CYTH1: variants seen among roughly 807,000 people sequenced by gnomAD.
CYTH1 encodes cytohesin 1, also known as cytohesin-1.
CYTH1 carries 18 observed loss-of-function variants against 61.8 expected under a neutral mutation model. The ratio of observed to expected loss-of-function variants is 0.29; its 90% CI spans 0.20 to 0.43. The LOEUF (loss-of-function observed/expected upper bound fraction) is 0.43. Among genes scored for constraint, CYTH1 ranks in the 20% least tolerant of loss-of-function variants. CYTH1 has a pLI of 1.00. For synonymous variants in CYTH1, 174 were observed against 184.3 expected (o/e 0.94, Z 0.45); for missense variants, 336 against 510.5 (o/e 0.66, Z 3.29).
intron 7 of CYTH1, among the ~76,000 whole-genome samples, chr17:78,699,875 A>G (rs1178017865): frequency 6.6e-6 from 1 of 152,222 alleles, no homozygotes; most frequent in East Asian, 1.9e-4. Context: ...GTGTAGTCGT[A>G]AACTCTTGGG....
intron 1 of CYTH1, among the ~76,000 whole-genome samples, chr17:78,729,092 T>C (rs1452025272): frequency 6.6e-6 from 1 of 152,272 alleles, no homozygotes; most frequent in African/African-American, 2.4e-5. Flanking sequence ...AAAGGGTTAA[T>C]ATCTTTTTTT....
chr17:78,773,981 T>G (rs528810026), intron 1 of CYTH1, among the ~76,000 whole-genome samples: 2 of 152,332 alleles, frequency 1.3e-5, no homozygotes, highest in East Asian at 3.9e-4. Context: ...ATAAAAATTT[T>G]TTTCAATCCA....
chr17:78,779,087 GGAT>G (rs1485392306), intron 1 of CYTH1, among the ~76,000 whole-genome samples: 2 of 152,100 alleles, frequency 1.3e-5, no homozygotes, highest in African/African-American at 4.8e-5. Flanking sequence ...CAAAATAAAA[GGAT>G]GATATTTAAA....
intron 1 of CYTH1, among the ~76,000 whole-genome samples, chr17:78,722,919 C>T (rs562619037): frequency 1.3e-5 from 2 of 152,188 alleles, no homozygotes; most frequent in South Asian, 4.1e-4. Context: ...TGTTTTCTGC[C>T]CCCCTATTTC....
At chr17:78,701,042 A>G (rs2093003792) in intron 6 of CYTH1, among the ~76,000 whole-genome samples, 1 of 152,232 alleles carries the variant, frequency 6.6e-6, no homozygotes, top group Non-Finnish European at 1.5e-5. Flanking sequence ...AGACTGAAAC[A>G]TAGATAATGC....
intron 1 of CYTH1, among the ~76,000 whole-genome samples, chr17:78,730,751 G>A (rs572592571): frequency 1.3e-5 from 2 of 151,638 alleles, no homozygotes; most frequent in African/African-American, 2.4e-5. Context: ...TGCAAGCTCC[G>A]CCTCCTGGGT....
intron 1 of CYTH1, chr17:78,736,735 CGG>C: frequency 2.4e-6 from 1 of 416,540 alleles, no homozygotes; most frequent in Non-Finnish European, 5.0e-6. Context: ...TTCCTTACAG[CGG>C]GACACGAAAA....
intron 1 of CYTH1, among the ~76,000 whole-genome samples, chr17:78,714,295 A>C (rs967804041): frequency 1.1e-4 from 16 of 152,148 alleles, no homozygotes; most frequent in Admixed American, 3.9e-4. Context: ...ATCTCAAAAA[A>C]ATTTAAAAAT....
intron 11 of CYTH1, among the ~76,000 whole-genome samples, chr17:78,685,159 G>A (rs1240119807): frequency 6.2e-5 from 9 of 144,012 alleles, no homozygotes; most frequent in African/African-American, 2.3e-4. Context: ...CTGCAAGATC[G>A]TGCCACTGGA....
chr17:78,741,219 C>G (rs2093340687), intron 1 of CYTH1, among the ~76,000 whole-genome samples: 2 of 152,090 alleles, frequency 1.3e-5, no homozygotes, highest in South Asian at 4.1e-4. Context: ...TGGGAATACA[C>G]AAGCATGTAA....
chr17:78,737,082 T>C (rs1359234732), intron 1 of CYTH1: 1 of 152,404 alleles, frequency 6.6e-6, no homozygotes, highest in Non-Finnish European at 1.5e-5. Flanking sequence ...TTTCTCAAAC[T>C]CAACCAAAGT....
chr17:78,680,757 T>C (rs1348222781), intron 12 of CYTH1, among the ~76,000 whole-genome samples: 1 of 152,202 alleles, frequency 6.6e-6, no homozygotes, highest in Non-Finnish European at 1.5e-5. Flanking sequence ...CTACACCCCA[T>C]GTGACATTCA....
chr17:78,690,671 C>A (rs1034594885), intron 11 of CYTH1, among the ~76,000 whole-genome samples: 3 of 152,048 alleles, frequency 2.0e-5, no homozygotes, highest in Admixed American at 6.6e-5. Flanking sequence ...TACACTCCAG[C>A]CTGGGAGACA....
intron 4 of CYTH1, 95 bp from the exon 5 acceptor site, chr17:78,702,335 T>A: frequency 8.9e-7 from 1 of 1,119,328 alleles, no homozygotes; most frequent in Non-Finnish European, 1.3e-6. Flanking sequence ...GTGGGTGCAC[T>A]GGAATATTTA....
At chr17:78,729,879 A>G (rs2093283948) in intron 1 of CYTH1, among the ~76,000 whole-genome samples, 1 of 152,164 alleles carries the variant, frequency 6.6e-6, no homozygotes, top group African/African-American at 2.4e-5. Context: ...ATCACCTTTC[A>G]AAGCAAGGAC....
intron 7 of CYTH1, among the ~76,000 whole-genome samples, chr17:78,699,861 C>T (rs1352904736): frequency 1.2e-4 from 19 of 152,172 alleles, no homozygotes; most frequent in Admixed American, 1.2e-3. Flanking sequence ...TCATAGCTCA[C>T]TGCGTGTAGT....
At chr17:78,724,906 T>C (rs2093257368) in intron 1 of CYTH1, among the ~76,000 whole-genome samples, 1 of 152,214 alleles carries the variant, frequency 6.6e-6, no homozygotes, top group Non-Finnish European at 1.5e-5. Flanking sequence ...GAAACAGCCA[T>C]AGTGTGAACA....
At chr17:78,728,371 C>A (rs908583872) in intron 1 of CYTH1, among the ~76,000 whole-genome samples, 2 of 151,998 alleles carry the variant, frequency 1.3e-5, no homozygotes, top group African/African-American at 2.4e-5. Context: ...CATGGTGAAA[C>A]CCCATCTCTA....
rs376898813 is a variant in CYTH1, at chr17:78,676,132, C to T, written c.1156G>A (p.Ala386Thr). ...ISRDPFYEMLAARKKKVSSTK... is the reference protein window; with the variant it reads ...ISRDPFYEMLTARKKKVSSTK... ...GAGGAGACCTTCTTTTTCCGTGCTG[C>T]GAGCATTTCGTAGAAAGGGTCCCTG... The change falls in exon 14 of 14, where the codon GCA becomes ACA. Residue 386 changes from alanine to threonine, a missense_variant. Ala to Thr is a moderately conservative substitution (Grantham distance 58). Around this residue, in one of 4 missense-constraint regions of CYTH1, gnomAD observed 83 missense variants for 115.6 expected, o/e 0.72. Coordinates refer to ENST00000446868, the MANE Select transcript of CYTH1 (RefSeq NM_004762.6). The T allele has an allele frequency of 2.9e-5, 47 of 1,611,022 alleles. No individual in the cohort carries two copies. The African/African-American group carries it at 4.3e-4, about 15-fold the overall frequency.
Sources: allele counts gnomAD v4.1 joint callset (sites outside exome capture counted in the v4.1 genomes callset), GRCh38; gene constraint gnomAD v4.1.1; regional missense constraint gnomAD v4.1.1; transcripts MANE v1.5; gene names NCBI Gene and HGNC (gene_info 2026-07-23, HGNC 2026-07-21).